Variants in IQSEC1 observed in about 807,000 individuals in gnomAD.
IQSEC1 encodes the protein IQ motif and Sec7 domain ArfGEF 1, also known as IQ motif and SEC7 domain-containing protein 1.
A neutral mutation model predicts 91.0 loss-of-function variants in IQSEC1; 31 were observed. The observed-to-expected ratio is 0.34, with a 90% CI of 0.26 to 0.46. The LOEUF (loss-of-function observed/expected upper bound fraction) is 0.46, where lower values mean the gene tolerates loss of function less well. Among genes scored for constraint, IQSEC1 ranks in the 20% least tolerant of loss-of-function variants. The pLI, the probability that IQSEC1 is intolerant of heterozygous loss-of-function variation, is 1.00. For missense variants in IQSEC1, 1,388 were observed against 1,575.6 expected (o/e 0.88, Z 2.02); for synonymous variants, 699 against 662.6 (o/e 1.05, Z -0.84).
intron 1 of IQSEC1, among the ~76,000 whole-genome samples, chr3:13,199,040 C>T (rs984620538): frequency 5.3e-5 from 8 of 152,192 alleles, no homozygotes; most frequent in Non-Finnish European, 8.8e-5. Flanking sequence ...AACCCATGCA[C>T]ATAAAGGGTG....
chr3:13,053,179 T>A, intron 1 of IQSEC1: 1 of 732,212 alleles, frequency 1.4e-6, no homozygotes. Context: ...GAGAGGGGAC[T>A]GGCTGTGGTT....
chr3:13,254,095 G>A (rs1695245826), intron 1 of IQSEC1, among the ~76,000 whole-genome samples: 1 of 152,262 alleles, frequency 6.6e-6, no homozygotes, highest in East Asian at 1.9e-4. Flanking sequence ...CAGCCGTCAC[G>A]TTGACCTGGA....
In IQSEC1 at chr3:12,951,616, C is replaced by A. The variant is rs552890688; in HGVS notation, c.24-9751G>T. Among the ~76,000 whole-genome samples the A allele has an allele frequency of 2.5e-4, 38 of 152,324 alleles. 1 individual carries two copies. The South Asian group carries it at 7.5e-3, about 30-fold the overall frequency. The stretch of plus-strand genomic sequence containing the variant: ...CCACTGATGCCTAAAGCCTTACAGC[C>A]TGGCACGCAGTTCTAGGAGAATGAT... On this transcript the variant is annotated intron_variant, in intron 1 of 13. Transcript: ENST00000613206.
chr3:12,964,966 T>C (rs1036663346), intron 1 of IQSEC1, among the ~76,000 whole-genome samples: 3 of 152,244 alleles, frequency 2.0e-5, no homozygotes, highest in Non-Finnish European at 4.4e-5. Context: ...GTTTTTGAAC[T>C]GAAGCTGTGT....
intron 1 of IQSEC1, among the ~76,000 whole-genome samples, chr3:13,253,751 C>G (rs528090268): frequency 4.6e-5 from 7 of 152,216 alleles, no homozygotes; most frequent in African/African-American, 1.4e-4. Context: ...CTCCGCTGTG[C>G]GACAAAAGCT....
intron 2 of IQSEC1, among the ~76,000 whole-genome samples, chr3:13,126,807 G>C (rs991732989): frequency 6.6e-6 from 1 of 152,140 alleles, no homozygotes; most frequent in African/African-American, 2.4e-5. Context: ...ACAGTATTTT[G>C]CAGGGCAAAA....
chr3:13,239,901 G>C (rs1376073077), intron 1 of IQSEC1, among the ~76,000 whole-genome samples: 1 of 152,220 alleles, frequency 6.6e-6, no homozygotes, highest in Non-Finnish European at 1.5e-5. Flanking sequence ...TTAGTGTTGA[G>C]TGGGGACAGG....
intron 1 of IQSEC1, among the ~76,000 whole-genome samples, chr3:13,022,829 A>G (rs360851): frequency 0.9 from 136,776 of 152,230 alleles, 61,579 homozygotes; most frequent in South Asian, 0.97. Context: ...TTGGCCCTCC[A>G]AGGGTCTCCA....
rs370534423 is a variant in IQSEC1, at chr3:13,026,864, G to GCTTTTTTTT, written c.23+46127_23+46128insAAAAAAAAG. Among the ~76,000 whole-genome samples, 4 of 90,864 alleles carry GCTTTTTTTT rather than the reference G, an allele frequency of 4.4e-5. 2 individuals are homozygous for GCTTTTTTTT. 59.6% of individuals were successfully genotyped at this position (90,864 alleles called of 152,430 possible). ...TGAAGTAGCAGTTATTATCTCCCCA[G>GCTTTTTTTT]TTTTTTTTTTTTTTGTTTGTTTTTT... On this transcript the variant is annotated intron_variant, in intron 1 of 13. Transcript: ENST00000613206.
chr3:12,952,967 C>A (rs1364218140), intron 1 of IQSEC1, among the ~76,000 whole-genome samples: 1 of 152,176 alleles, frequency 6.6e-6, no homozygotes, highest in Admixed American at 6.5e-5. Flanking sequence ...AGAGGTCGGG[C>A]TCGTGGGTGG....
At chr3:13,011,910 C>T (rs1038406317) in intron 1 of IQSEC1, among the ~76,000 whole-genome samples, 4 of 151,918 alleles carry the variant, frequency 2.6e-5, no homozygotes, top group Non-Finnish European at 5.9e-5. Context: ...TTGAGCCTGG[C>T]CAATGAGTGA....
At chr3:13,031,603 C>T (rs1231521809) in intron 1 of IQSEC1, among the ~76,000 whole-genome samples, 1 of 152,186 alleles carries the variant, frequency 6.6e-6, no homozygotes, top group East Asian at 1.9e-4. Context: ...TGCTTGAGAA[C>T]CTACTGTGTG....
intron 2 of IQSEC1, among the ~76,000 whole-genome samples, chr3:13,163,157 C>G (rs532989610): frequency 2.0e-5 from 3 of 152,148 alleles, no homozygotes; most frequent in Admixed American, 6.5e-5. Flanking sequence ...AGATTCAGCA[C>G]CCCCTGTGCT....
chr3:13,191,477 ATTTTTTTTTTTTTTTTT>A (rs57912681), intron 1 of IQSEC1, among the ~76,000 whole-genome samples: 26 of 92,108 alleles, frequency 2.8e-4, no homozygotes, highest in Middle Eastern at 9.6e-3. Flanking sequence ...CACCCAGCTA[ATTTTTTTTTTTTTTTTT>A]TTTTTTTTTT....
intron 2 of IQSEC1, among the ~76,000 whole-genome samples, chr3:13,159,700 AC>A (rs933832582): frequency 1.3e-5 from 2 of 152,106 alleles, no homozygotes; most frequent in Non-Finnish European, 2.9e-5. Context: ...ATGAGGTGAG[AC>A]CCCCACCCAC....
intron 1 of IQSEC1, among the ~76,000 whole-genome samples, chr3:13,264,775 C>T (rs1695455444): frequency 6.6e-6 from 1 of 151,878 alleles, no homozygotes; most frequent in Non-Finnish European, 1.5e-5. Context: ...CTGCCTCTCT[C>T]GGGGGACTGT....
At chr3:13,051,652 G>A (rs927929854) in intron 1 of IQSEC1, among the ~76,000 whole-genome samples, 8 of 152,156 alleles carry the variant, frequency 5.3e-5, no homozygotes, top group South Asian at 2.1e-4. Context: ...TCTGCCTCAC[G>A]TTCAGTCTCC....
intron 7 of IQSEC1, 43 bp downstream of exon 7, chr3:12,915,551 G>A (rs771254023): frequency 3.3e-5 from 52 of 1,597,198 alleles, no homozygotes; most frequent in South Asian, 1.3e-4. Flanking sequence ...AGCCCCGCCC[G>A]GGTGGTGCTG....
intron 2 of IQSEC1, among the ~76,000 whole-genome samples, chr3:13,098,344 T>G (rs951162977): frequency 6.6e-6 from 1 of 152,140 alleles, no homozygotes; most frequent in Admixed American, 6.5e-5. Context: ...GAAATCTAAC[T>G]TAGCATTGGG....
Sources: gnomAD v4.1 joint callset for allele counts (sites outside exome capture counted in the v4.1 genomes callset) on GRCh38, gnomAD v4.1.1 for gene constraint, MANE v1.5 for transcripts, NCBI Gene and HGNC (gene_info 2026-07-23, HGNC 2026-07-21) for gene names.